INPP4B: variants seen among roughly 807,000 people sequenced by gnomAD.
The protein encoded by INPP4B is inositol polyphosphate-4-phosphatase type II B, also known as inositol polyphosphate 4-phosphatase type II.
In INPP4B, 55 loss-of-function variants were observed where a neutral mutation model predicts 122.5. That is an observed-to-expected ratio of 0.45 (90% CI 0.36 to 0.56). The LOEUF is 0.56. Ranked by LOEUF, INPP4B falls within the 20% of genes least tolerant of loss-of-function variation. The pLI is 0.00. For missense variants in INPP4B, 1,000 were observed against 1,097.7 expected (o/e 0.91, Z 1.26); for synonymous variants, 403 against 388.7 (o/e 1.04, Z -0.43).
intron 16 of INPP4B, among the ~76,000 whole-genome samples, chr4:142,162,726 G>C (rs1401082788): frequency 6.6e-6 from 1 of 151,886 alleles, no homozygotes; most frequent in Non-Finnish European, 1.5e-5. Context: ...AATCTCATTT[G>C]AGTTGATTTA....
chr4:142,747,052 C>T (rs562892036), intron 1 of INPP4B, among the ~76,000 whole-genome samples: 1 of 152,174 alleles, frequency 6.6e-6, no homozygotes, highest in East Asian at 1.9e-4. Flanking sequence ...AGCTTCTGCA[C>T]AGTGAAAGAA....
At chr4:142,189,986 T>G (rs1180691519) in intron 15 of INPP4B, among the ~76,000 whole-genome samples, 1 of 152,228 alleles carries the variant, frequency 6.6e-6, no homozygotes, top group African/African-American at 2.4e-5. Context: ...AGCAATGTTC[T>G]TATGCTAAAC....
chr4:142,074,509 T>C (rs1429116300), intron 25 of INPP4B, among the ~76,000 whole-genome samples: 5 of 152,048 alleles, frequency 3.3e-5, no homozygotes, highest in Admixed American at 3.3e-4. Context: ...TCTAGCAAAA[T>C]TAAAAATACA....
chr4:142,024,354 A>C lies in INPP4B; in HGVS notation c.*4428T>G, dbSNP rs1032686918. ...CTGGGTTAAATGAATATGAATTCACACTAAAATTGTCAATCAGCTACACAT... is the reference window on the plus strand; with the variant it reads ...CTGGGTTAAATGAATATGAATTCACCCTAAAATTGTCAATCAGCTACACAT... On this transcript the variant is annotated 3_prime_UTR_variant, in exon 26 of 26. Coordinates refer to ENST00000262992, the MANE Select transcript of INPP4B (RefSeq NM_001101669.3). The C allele has an allele frequency of 1.3e-5, 2 of 152,118 alleles. No individual in the cohort carries two copies. The highest frequency in any genetic ancestry group is 1.3e-4 in the Admixed American group (2 of 15,264). 9.4% of individuals were successfully genotyped at this position (152,118 alleles called of 1,614,324 possible).
At chr4:142,755,436 C>T (rs1770369427) in intron 1 of INPP4B, among the ~76,000 whole-genome samples, 1 of 152,104 alleles carries the variant, frequency 6.6e-6, no homozygotes, top group South Asian at 2.1e-4. Flanking sequence ...CCTCTGTCAG[C>T]AGTCTCAATT....
intron 2 of INPP4B, among the ~76,000 whole-genome samples, chr4:142,516,476 G>C (rs1412281737): frequency 6.6e-6 from 1 of 152,154 alleles, no homozygotes; most frequent in African/African-American, 2.4e-5. Flanking sequence ...TTCTTTCACA[G>C]TTGTGGGACA....
intron 12 of INPP4B, among the ~76,000 whole-genome samples, chr4:142,236,724 T>C (rs1856839488): frequency 6.6e-6 from 1 of 152,176 alleles, no homozygotes; most frequent in Non-Finnish European, 1.5e-5. Flanking sequence ...TGTTAATAGT[T>C]TCCAATTTTA....
intron 3 of INPP4B, among the ~76,000 whole-genome samples, chr4:142,448,193 C>T (rs1813324025): frequency 6.6e-6 from 1 of 151,886 alleles, no homozygotes; most frequent in Non-Finnish European, 1.5e-5. Context: ...AATAGGTTTC[C>T]TGGCCTGTGC....
chr4:142,164,413 T>C, intron 16 of INPP4B, among the ~76,000 whole-genome samples: 1 of 151,872 alleles, frequency 6.6e-6, no homozygotes, highest in East Asian at 1.9e-4. Flanking sequence ...ATTATTATTT[T>C]AGTAATCATC....
rs114414420 is a variant in INPP4B at position 142,818,898 on chromosome 4, G to A, written c.-254+27311C>T. On this transcript the variant is annotated intron_variant, in intron 1 of 25. Coordinates refer to ENST00000262992, the MANE Select transcript of INPP4B (RefSeq NM_001101669.3). ...GTGTCTCTTCCACTGATATCATATTGGCTTATGAGTTTTTGGTCCACTAGC... is the reference window on the plus strand; with the variant it reads ...GTGTCTCTTCCACTGATATCATATTAGCTTATGAGTTTTTGGTCCACTAGC... Among the ~76,000 whole-genome samples, 303 of 152,128 alleles carry A rather than the reference G, an allele frequency of 2.0e-3. 2 individuals are homozygous for A. The highest frequency in any genetic ancestry group is 7.1e-3 in the African/African-American group (294 of 41,502).
At chr4:142,441,378 C>T (rs1470119225) in intron 3 of INPP4B, among the ~76,000 whole-genome samples, 1 of 152,020 alleles carries the variant, frequency 6.6e-6, no homozygotes, top group Non-Finnish European at 1.5e-5. Context: ...TGAATTCATG[C>T]AAAAGAGAAA....
intron 2 of INPP4B, among the ~76,000 whole-genome samples, chr4:142,640,720 A>G (rs1177586206): frequency 6.6e-6 from 1 of 152,044 alleles, no homozygotes; most frequent in Non-Finnish European, 1.5e-5. Context: ...AATAATTCCT[A>G]ACAATTAAAA....
chr4:142,712,700 T>G (rs1483794232), intron 2 of INPP4B, among the ~76,000 whole-genome samples: 1 of 152,222 alleles, frequency 6.6e-6, no homozygotes, highest in Non-Finnish European at 1.5e-5. Flanking sequence ...TGTTACCATA[T>G]AAATGTCAAC....
chr4:142,361,795 A>G (rs1451079675), intron 7 of INPP4B, among the ~76,000 whole-genome samples: 1 of 151,934 alleles, frequency 6.6e-6, no homozygotes, highest in Non-Finnish European at 1.5e-5. Context: ...TTATCACAAT[A>G]TTATATATAT....
At chr4:142,429,479 C>T (rs1178728130) in intron 4 of INPP4B, among the ~76,000 whole-genome samples, 1 of 151,924 alleles carries the variant, frequency 6.6e-6, no homozygotes, top group South Asian at 2.1e-4. Flanking sequence ...TTTTGTAAGC[C>T]ATGGCAAACA....
intron 2 of INPP4B, among the ~76,000 whole-genome samples, chr4:142,585,964 C>T (rs1161074205): frequency 2.0e-5 from 3 of 151,846 alleles, no homozygotes; most frequent in South Asian, 4.1e-4. Context: ...CACCCTTCAA[C>T]TCGTCATTTA....
intron 12 of INPP4B, among the ~76,000 whole-genome samples, chr4:142,233,202 G>A (rs1855193993): frequency 6.9e-6 from 1 of 145,912 alleles, no homozygotes; most frequent in Admixed American, 6.8e-5. Flanking sequence ...GTCTGTATAT[G>A]TGTGTGTGTG....
chr4:142,511,706 C>T (rs747465016), intron 2 of INPP4B, among the ~76,000 whole-genome samples: 4 of 152,078 alleles, frequency 2.6e-5, no homozygotes, highest in Non-Finnish European at 5.9e-5. Flanking sequence ...TTGTTTATTG[C>T]TCTCTCACGT....
At chr4:142,170,824 C>T (rs1167306270) in intron 16 of INPP4B, among the ~76,000 whole-genome samples, 1 of 151,626 alleles carries the variant, frequency 6.6e-6, no homozygotes, top group South Asian at 2.1e-4. Flanking sequence ...CAGTGACTGT[C>T]AAATAGTATG....
Sources: allele counts gnomAD v4.1 joint callset (sites outside exome capture counted in the v4.1 genomes callset), GRCh38; gene constraint gnomAD v4.1.1; transcripts MANE v1.5; gene names NCBI Gene and HGNC (gene_info 2026-07-23, HGNC 2026-07-21).